The following NEGR1 variants were observed in gnomAD, a reference collection of about 807,000 sequenced individuals.
The protein encoded by NEGR1 is IgLON family member 4.
Under a neutral mutation model 40.9 loss-of-function variants are expected in NEGR1, and 10 were observed. The ratio of observed to expected loss-of-function variants is 0.24; its 90% CI spans 0.15 to 0.42. The LOEUF (loss-of-function observed/expected upper bound fraction) is 0.42, where lower values mean the gene tolerates loss of function less well. Among genes scored for constraint, NEGR1 ranks in the 10% least tolerant of loss-of-function variants. The pLI is 1.00. For synonymous variants in NEGR1, 185 were observed against 166.8 expected, an observed-to-expected ratio of 1.11 and a Z score of -0.84; for missense variants, 352 against 438.9, an observed-to-expected ratio of 0.80 and a Z score of 1.77.
At chr1:71,621,344 AAAAGTGTATGTAACAC>A (rs1423782867) in intron 4 of NEGR1, among the ~76,000 whole-genome samples, 1 of 151,872 alleles carries the variant, frequency 6.6e-6, no homozygotes, top group African/African-American at 2.4e-5. Context: ...AAAAAATGTG[AAAAGTGTATGTAACAC>A]AAAGGTATCC....
At chr1:71,414,739 C>G (rs1329138628) in intron 6 of NEGR1, among the ~76,000 whole-genome samples, 1 of 152,142 alleles carries the variant, frequency 6.6e-6, no homozygotes, top group African/African-American at 2.4e-5. Flanking sequence ...TCCCCCTCGA[C>G]TTTAGGGTTG....
chr1:71,788,574 GA>G (rs1290195467), intron 2 of NEGR1, among the ~76,000 whole-genome samples: 1 of 152,046 alleles, frequency 6.6e-6, no homozygotes, highest in Non-Finnish European at 1.5e-5. Flanking sequence ...CAAATTTTCA[GA>G]TATTCTTAAT....
chr1:71,745,190 C>T (rs1655342888), intron 3 of NEGR1, among the ~76,000 whole-genome samples: 3 of 152,196 alleles, frequency 2.0e-5, no homozygotes, highest in Admixed American at 1.3e-4. Flanking sequence ...TATAATTAAC[C>T]TTTGTGCCTA....
intron 1 of NEGR1, among the ~76,000 whole-genome samples, chr1:72,016,744 C>T (rs1646713793): frequency 6.6e-6 from 1 of 152,148 alleles, no homozygotes; most frequent in Non-Finnish European, 1.5e-5. Context: ...GCTCTTATCT[C>T]AGAGGGAAGT....
chr1:71,437,989 A>T (rs898152104), intron 6 of NEGR1, among the ~76,000 whole-genome samples: 1 of 152,214 alleles, frequency 6.6e-6, no homozygotes, highest in African/African-American at 2.4e-5. Context: ...AGATTTTCTC[A>T]CAGGGGCTGC....
chr1:71,829,294 T>C (rs1658754950), intron 2 of NEGR1, among the ~76,000 whole-genome samples: 2 of 152,078 alleles, frequency 1.3e-5, no homozygotes, highest in Admixed American at 6.6e-5. Context: ...TTAACAGATA[T>C]TGGTTCCAGC....
intron 2 of NEGR1, among the ~76,000 whole-genome samples, chr1:71,778,638 A>C (rs1470241692): frequency 6.6e-6 from 1 of 152,186 alleles, no homozygotes; most frequent in Non-Finnish European, 1.5e-5. Context: ...AGAAGATAGT[A>C]TATAGGGCTC....
At chr1:72,262,367 G>C (rs72942915) in intron 1 of NEGR1, among the ~76,000 whole-genome samples, 199 of 152,114 alleles carry the variant, frequency 1.3e-3, no homozygotes, top group African/African-American at 4.4e-3. Context: ...CCTTTATAGT[G>C]ACAAAAGAAA....
chr1:71,751,503 A>G (rs1655568772), intron 3 of NEGR1, among the ~76,000 whole-genome samples: 3 of 152,142 alleles, frequency 2.0e-5, no homozygotes, highest in Admixed American at 2.0e-4. Flanking sequence ...TGACTTCCCA[A>G]ATCCCAAACA....
intron 6 of NEGR1, among the ~76,000 whole-genome samples, chr1:71,458,947 C>T (rs1015030768): frequency 1.3e-5 from 2 of 152,084 alleles, no homozygotes; most frequent in African/African-American, 4.8e-5. Flanking sequence ...TCATGTCACC[C>T]CATTCCTCAA....
At chr1:71,429,370 G>A (rs1224707997) in intron 6 of NEGR1, among the ~76,000 whole-genome samples, 2 of 152,190 alleles carry the variant, frequency 1.3e-5, no homozygotes, top group African/African-American at 4.8e-5. Context: ...GTTAAGTGAA[G>A]TCTAAATTAC....
intron 6 of NEGR1, among the ~76,000 whole-genome samples, chr1:71,572,008 C>A (rs1177082349): frequency 1.3e-5 from 2 of 152,090 alleles, no homozygotes; most frequent in East Asian, 3.9e-4. Flanking sequence ...TAAATTTATA[C>A]CATATTTAGG....
chr1:71,959,251 C>A (rs1250963560), intron 1 of NEGR1, among the ~76,000 whole-genome samples: 1 of 152,064 alleles, frequency 6.6e-6, no homozygotes, highest in East Asian at 1.9e-4. Flanking sequence ...ATTCCAGATC[C>A]TTGGAGACAA....
intron 1 of NEGR1, among the ~76,000 whole-genome samples, chr1:72,048,214 A>G (rs1647020656): frequency 6.6e-6 from 1 of 151,630 alleles, no homozygotes; most frequent in East Asian, 1.9e-4. Context: ...ACTAGAAGTG[A>G]TAACGACAGC....
rs555429320 is a variant in NEGR1 at position 71,679,311 on chromosome 1, C to A, written c.667+18697G>T. Among the ~76,000 whole-genome samples, 165 of 152,162 alleles carry A rather than the reference C, an allele frequency of 1.1e-3. 1 individual carries two copies. Among genetic ancestry groups the A allele is most frequent in the African/African-American group, 3.9e-3 (161 of 41,530 alleles). ...ATTTTGAATGAAATTGTATTTAATT[C>A]ACAGATCAATTTGAGGACAATCAAC... On this transcript the variant is annotated intron_variant, in intron 4 of 6. Coordinates refer to ENST00000357731, the MANE Select transcript of NEGR1 (RefSeq NM_173808.3).
intron 6 of NEGR1, among the ~76,000 whole-genome samples, chr1:71,475,644 A>T (rs1646814691): frequency 6.6e-6 from 1 of 152,048 alleles, no homozygotes; most frequent in Admixed American, 6.6e-5. Context: ...AAGATTTAGA[A>T]GTAGGATGAG....
In NEGR1 at chr1:71,407,426, C is replaced by T; in HGVS notation, c.*20G>A. 1 of 1,608,872 alleles carries T rather than the reference C, an allele frequency of 6.2e-7. No individual in the cohort carries two copies. Among genetic ancestry groups the T allele is most frequent in the African/African-American group, 1.3e-5 (1 of 74,726 alleles). On this transcript the variant is annotated 3_prime_UTR_variant, in exon 7 of 7. Coordinates refer to ENST00000357731, the MANE Select transcript of NEGR1 (RefSeq NM_173808.3). ...AGCACTTTCAGAGAATCCTTAAAAG[C>T]CTTTTATGGGTCTTTGAATTTATTG...
intron 1 of NEGR1, among the ~76,000 whole-genome samples, chr1:72,201,698 C>A (rs1034544253): frequency 6.6e-6 from 1 of 151,660 alleles, no homozygotes; most frequent in African/African-American, 2.4e-5. Flanking sequence ...GTCTTAGAAT[C>A]AGTGAAATTC....
At chr1:71,586,799 A>G (rs1344250597) in intron 6 of NEGR1, among the ~76,000 whole-genome samples, 1 of 152,116 alleles carries the variant, frequency 6.6e-6, no homozygotes, top group East Asian at 1.9e-4. Flanking sequence ...GTATACTTTC[A>G]TGACTTATGT....
Sources: allele counts gnomAD v4.1 joint callset (sites outside exome capture counted in the v4.1 genomes callset), GRCh38; gene constraint gnomAD v4.1.1; transcripts MANE v1.5; gene names NCBI Gene and HGNC (gene_info 2026-07-23, HGNC 2026-07-21).